Variants in GUCY1A2 observed in about 807,000 individuals in gnomAD.
The protein encoded by GUCY1A2 is guanylate cyclase 1 soluble subunit alpha 2, also known as guanylate cyclase soluble subunit alpha-2.
Under a neutral mutation model 63.5 loss-of-function variants are expected in GUCY1A2, and 27 were observed. The observed-to-expected ratio is 0.43, with a 90% CI of 0.31 to 0.59. GUCY1A2 has a LOEUF of 0.59. Among genes scored for constraint, GUCY1A2 ranks in the 20% least tolerant of loss-of-function variants. The pLI, the probability that GUCY1A2 is intolerant of heterozygous loss-of-function variation, is 0.11. For synonymous variants in GUCY1A2, 364 were observed against 343.5 expected (o/e 1.06, Z -0.66); for missense variants, 768 against 913.3 (o/e 0.84, Z 2.05).
chr11:106,920,247 T>A (rs1173351013), intron 4 of GUCY1A2, among the ~76,000 whole-genome samples: 3 of 151,692 alleles, frequency 2.0e-5, no homozygotes, highest in African/African-American at 2.4e-5. Flanking sequence ...GGGAAGAAAG[T>A]GAAGAAAGTG....
chr11:106,935,578 G>A (rs940655328), intron 4 of GUCY1A2, among the ~76,000 whole-genome samples: 2 of 152,198 alleles, frequency 1.3e-5, no homozygotes, highest in Middle Eastern at 3.4e-3. Context: ...GGTGGCTCAC[G>A]CCTGTGATCC....
intron 3 of GUCY1A2, among the ~76,000 whole-genome samples, chr11:106,953,649 C>T (rs1415978706): frequency 1.3e-5 from 2 of 151,590 alleles, no homozygotes; most frequent in African/African-American, 4.8e-5. Flanking sequence ...CCATCTGGTC[C>T]TTGCTTTTTT....
At chr11:106,774,735 C>A (rs1489037156) in intron 6 of GUCY1A2, among the ~76,000 whole-genome samples, 1 of 152,052 alleles carries the variant, frequency 6.6e-6, no homozygotes, top group Non-Finnish European at 1.5e-5. Context: ...TATTCATATT[C>A]CCCATTTTTA....
intron 6 of GUCY1A2, among the ~76,000 whole-genome samples, chr11:106,738,157 C>CT (rs755307472): frequency 1.7e-4 from 26 of 152,152 alleles, no homozygotes; most frequent in Non-Finnish European, 3.4e-4. Context: ...TGATGATGAG[C>CT]TTTTTTTCAT....
intron 6 of GUCY1A2, among the ~76,000 whole-genome samples, chr11:106,724,444 C>T (rs543573168): frequency 6.6e-6 from 1 of 152,322 alleles, no homozygotes; most frequent in African/African-American, 2.4e-5. Flanking sequence ...CTATCCTTCC[C>T]TCCGGCCCCA....
At chr11:106,959,181 C>CA (rs1861028547) in intron 3 of GUCY1A2, among the ~76,000 whole-genome samples, 1 of 152,108 alleles carries the variant, frequency 6.6e-6, no homozygotes, top group South Asian at 2.1e-4. Flanking sequence ...ACAAATAAAA[C>CA]ACAAGGGAAA....
chr11:106,791,147 T>A (rs1864652057), intron 5 of GUCY1A2, among the ~76,000 whole-genome samples: 1 of 152,190 alleles, frequency 6.6e-6, no homozygotes, highest in South Asian at 2.1e-4. Context: ...GAACTCAAGT[T>A]CTGAACACTG....
At chr11:106,972,731 C>A (rs1188796241) in intron 3 of GUCY1A2, among the ~76,000 whole-genome samples, 1 of 151,950 alleles carries the variant, frequency 6.6e-6, no homozygotes, top group Non-Finnish European at 1.5e-5. Flanking sequence ...ACTCAATATC[C>A]AATAACCAAA....
chr11:106,971,822 A>G (rs575857245), intron 3 of GUCY1A2, among the ~76,000 whole-genome samples: 2 of 152,256 alleles, frequency 1.3e-5, no homozygotes, highest in East Asian at 3.9e-4. Flanking sequence ...ACCATTCTCC[A>G]ATAAAAGGTA....
intron 4 of GUCY1A2, among the ~76,000 whole-genome samples, chr11:106,847,280 G>T (rs548434772): frequency 2.8e-4 from 39 of 140,604 alleles, no homozygotes; most frequent in African/African-American, 1.0e-3. Flanking sequence ...TTTTTATAAG[G>T]ATTGTTTCTG....
rs1413053137 is a variant in GUCY1A2, at chr11:106,685,797, T to A, written c.*1752A>T. 1.3e-5 allele frequency: 3 copies of A among 226,332 alleles called. No homozygotes were observed. The highest frequency in any genetic ancestry group is 2.6e-5 in the Non-Finnish European group (3 of 113,770). 14.0% of individuals were successfully genotyped at this position (226,332 alleles called of 1,614,324 possible). ...AGGTCTATTTCCTGTCTTCTCCATA[T>A]AAAGAGTGTTGCACTCGTGTCCTTG... On this transcript the variant is annotated 3_prime_UTR_variant, in exon 8 of 8. Coordinates refer to ENST00000526355, the MANE Select transcript of GUCY1A2 (RefSeq NM_000855.3).
At chr11:106,696,699 TA>T (rs887851621) in intron 7 of GUCY1A2, among the ~76,000 whole-genome samples, 23 of 152,182 alleles carry the variant, frequency 1.5e-4, no homozygotes, top group African/African-American at 5.5e-4. Flanking sequence ...ATTTGGAGGC[TA>T]AAAAAAGGGC....
chr11:106,681,605 G>T lies in GUCY1A2; in HGVS notation c.*5944C>A, dbSNP rs1862435519. ...TTGCAAATGAATAACTTCTGAGATA[G>T]ATTAAACATGTCATTTGCCCGAATA... On this transcript the variant is annotated 3_prime_UTR_variant, in exon 8 of 8. Transcript: ENST00000526355. 4.5e-6 allele frequency: 1 copy of T among 223,180 alleles called. No homozygotes were observed. Among genetic ancestry groups the T allele is most frequent in the African/African-American group, 2.2e-5 (1 of 44,846 alleles). The allele number at this position is 223,180 out of a possible 1,614,324, so 13.8% of individuals were successfully genotyped here. A position where few individuals can be genotyped will look rare whatever the true frequency, so the allele number is the denominator to read the frequency against.
At chr11:106,856,983 C>T (rs1859445396) in intron 4 of GUCY1A2, among the ~76,000 whole-genome samples, 1 of 152,126 alleles carries the variant, frequency 6.6e-6, no homozygotes, top group African/African-American at 2.4e-5. Context: ...TGGTATGTTC[C>T]CTTAAAATGG....
intron 4 of GUCY1A2, among the ~76,000 whole-genome samples, chr11:106,879,877 T>G (rs921420256): frequency 7.2e-5 from 11 of 152,228 alleles, no homozygotes; most frequent in Non-Finnish European, 1.6e-4. Context: ...TGAGCAACTG[T>G]CTACGTCCAT....
intron 6 of GUCY1A2, among the ~76,000 whole-genome samples, chr11:106,739,994 G>A (rs1757224836): frequency 6.8e-6 from 1 of 147,564 alleles, no homozygotes; most frequent in Admixed American, 6.8e-5. Context: ...TCATTGAGAG[G>A]CACTTTTTTT....
chr11:106,775,502 T>C (rs1167333332), intron 6 of GUCY1A2, among the ~76,000 whole-genome samples: 4 of 150,658 alleles, frequency 2.7e-5, no homozygotes, highest in African/African-American at 9.8e-5. Context: ...TCTACACACG[T>C]AGTGTAATTG....
chr11:106,785,946 C>G (rs1401273208), intron 5 of GUCY1A2, among the ~76,000 whole-genome samples: 1 of 151,122 alleles, frequency 6.6e-6, no homozygotes, highest in South Asian at 2.1e-4. Context: ...CCCAGCTATT[C>G]CCATGTACTC....
chr11:106,891,581 G>A (rs1369478519), intron 4 of GUCY1A2, among the ~76,000 whole-genome samples: 2 of 151,884 alleles, frequency 1.3e-5, no homozygotes, highest in Non-Finnish European at 2.9e-5. Flanking sequence ...GATCCATCTT[G>A]AATTAATTTT....
Sources: gnomAD v4.1 joint callset for allele counts (sites outside exome capture counted in the v4.1 genomes callset) on GRCh38, gnomAD v4.1.1 for gene constraint, MANE v1.5 for transcripts, NCBI Gene and HGNC (gene_info 2026-07-23, HGNC 2026-07-21) for gene names.